JUP: variants seen among roughly 807,000 people sequenced by gnomAD.
JUP encodes junction plakoglobin, also known as catenin (cadherin-associated protein), gamma 80kDa.
Under a neutral mutation model 71.1 loss-of-function variants are expected in JUP, and 28 were observed. The ratio of observed to expected loss-of-function variants is 0.39; its 90% CI spans 0.29 to 0.54. The LOEUF (loss-of-function observed/expected upper bound fraction) is 0.54, where lower values mean the gene tolerates loss of function less well. Among genes scored for constraint, JUP ranks in the 20% least tolerant of loss-of-function variants. The probability of loss-of-function intolerance (pLI) is 0.62; values close to 1 mark genes in which losing one functional copy is unlikely to be tolerated. For missense variants in JUP, 869 were observed against 1,030.1 expected (o/e 0.84, Z 2.14); for synonymous variants, 401 against 438.9 (o/e 0.91, Z 1.08).
In JUP at chr17:41,764,697, C is replaced by A. The variant is rs543474948; in HGVS notation, c.1158+16G>T. The A allele has an allele frequency of 1.9e-6, 3 of 1,609,214 alleles. No individual in the cohort carries two copies. The East Asian group carries it at 6.7e-5, about 36-fold the overall frequency. On this transcript the variant is annotated intron_variant, in intron 7 of 13. Transcript: ENST00000393931. ...CAGCTGAAGAGGTCAACCCCAGGCC[C>A]AGATACCTCCCTCACCTGCTTGGTG...
At chr17:41,779,070 A>G (rs2047031319) in intron 1 of JUP, among the ~76,000 whole-genome samples, 1 of 151,374 alleles carries the variant, frequency 6.6e-6, no homozygotes, top group Admixed American at 6.6e-5. Context: ...CCCCGTCTCT[A>G]CTAAAAATAC....
intron 6 of JUP, 42 bp from the exon 7 acceptor site, chr17:41,764,858 G>C: frequency 6.2e-7 from 1 of 1,613,566 alleles, no homozygotes; most frequent in Non-Finnish European, 8.5e-7. Flanking sequence ...GGGGAGCATG[G>C]CTGACTGAGC....
chr17:41,777,498 C>A (rs113833688), intron 1 of JUP, among the ~76,000 whole-genome samples: 1,956 of 152,344 alleles, frequency 0.013, 34 homozygotes, highest in African/African-American at 0.045. Flanking sequence ...AAGGAGGCCT[C>A]TCCCCTCTGG....
rs1207443069 is a variant in JUP, at chr17:41,755,396, C to T, written c.*348G>A. 9 of 409,620 alleles carry T rather than the reference C, an allele frequency of 2.2e-5. No individual in the cohort carries two copies. The highest frequency in any genetic ancestry group is 1.2e-4 in the African/African-American group (6 of 48,696). The allele number at this position is 409,620 out of a possible 1,614,324, so 25.4% of individuals were successfully genotyped here. A position where few individuals can be genotyped will look rare whatever the true frequency, so the allele number is the denominator to read the frequency against. ...CAGGCACTTTTCTGTCTTGCCCCAT[C>T]GCCTGCACGGAGAGCCTCTCAGATG... is the stretch of plus-strand genomic sequence containing the variant. On this transcript the variant is annotated 3_prime_UTR_variant, in exon 14 of 14. Transcript: ENST00000393931.
At chr17:41,786,274 C>G (rs1385862754) in intron 1 of JUP, 1 of 152,352 alleles carries the variant, frequency 6.6e-6, no homozygotes, top group East Asian at 1.9e-4. Flanking sequence ...CCCGCCAGCC[C>G]AGGGCGAGAG....
rs1913561311 is a variant in JUP, at chr17:41,755,573, CAAG to C, written c.*168_*170del. 1.0e-5 allele frequency: 6 copies of C among 592,068 alleles called. No homozygotes were observed. Among genetic ancestry groups the C allele is most frequent in the East Asian group, 3.1e-5 (1 of 32,656 alleles). 36.7% of individuals were successfully genotyped at this position (592,068 alleles called of 1,614,324 possible). On this transcript the variant is annotated 3_prime_UTR_variant, in exon 14 of 14. Transcript: ENST00000393931. ...GGCCTCCCCATCCCCACCAAAGACA[CAAG>C]AAGAAGGCAGGCCAGGGCACACCGT... is the stretch of plus-strand genomic sequence containing the variant.
chr17:41,772,047 A>AC (rs1470254072), intron 1 of JUP, 185 bp from the exon 2 acceptor site: 1 of 673,030 alleles, frequency 1.5e-6, no homozygotes, highest in Non-Finnish European at 2.7e-6. Context: ...GGGGCTGCCC[A>AC]CGACGAGATA....
chr17:41,767,590 TG>T lies in JUP; in HGVS notation c.708-11del. On this transcript the variant is annotated splice_polypyrimidine_tract_variant and intron_variant, in intron 4 of 13. Coordinates refer to ENST00000393931, the MANE Select transcript of JUP (RefSeq NM_002230.4). ...CGACTCCACAGGGGAGCTGGGGGGG[TG>T]GGCAGGGGTTAGTACGCTGAGGTCC... 5 of 974,410 alleles carry T rather than the reference TG, an allele frequency of 5.1e-6. No homozygotes were observed. The highest frequency in any genetic ancestry group is 7.9e-6 in the Non-Finnish European group (5 of 630,688). 60.4% of individuals were successfully genotyped at this position (974,410 alleles called of 1,614,324 possible). A position where few individuals can be genotyped will look rare whatever the true frequency, so the allele number is the denominator to read the frequency against.
chr17:41,755,213 TAGTGGCCAGGGCCACAG>T lies in JUP; in HGVS notation c.*514_*530del, dbSNP rs1313064524. The T allele has an allele frequency of 5.0e-6, 2 of 398,532 alleles. No individual in the cohort carries two copies. Among genetic ancestry groups the T allele is most frequent in the Non-Finnish European group, 8.8e-6 (2 of 226,370 alleles). The allele number at this position is 398,532 out of a possible 1,614,324, so 24.7% of individuals were successfully genotyped here. On this transcript the variant is annotated 3_prime_UTR_variant, in exon 14 of 14. Transcript: ENST00000393931. ...GAATGGGTACTTGAGTCTGAAGCTT[TAGTGGCCAGGGCCACAG>T]GGGCGGGGAGGGGGTGTCAGGCCCT...
At chr17:41,757,170 C>A (rs1233928599) in intron 12 of JUP, among the ~76,000 whole-genome samples, 1 of 152,198 alleles carries the variant, frequency 6.6e-6, no homozygotes, top group Non-Finnish European at 1.5e-5. Context: ...AGCACCTCCA[C>A]GCAAATTACA....
intron 1 of JUP, among the ~76,000 whole-genome samples, chr17:41,782,437 G>A (rs2047211875): frequency 6.6e-6 from 1 of 152,194 alleles, no homozygotes; most frequent in South Asian, 2.1e-4. Flanking sequence ...AATCCCCACA[G>A]GGCAGCACCC....
chr17:41,766,702 A>C (rs1332060778), intron 5 of JUP, among the ~76,000 whole-genome samples: 4 of 152,082 alleles, frequency 2.6e-5, no homozygotes, highest in African/African-American at 9.7e-5. Context: ...TAAAAATACA[A>C]AAATTAGCTG....
chr17:41,784,563 A>G (rs1249938714), intron 1 of JUP, among the ~76,000 whole-genome samples: 1 of 152,186 alleles, frequency 6.6e-6, no homozygotes, highest in Admixed American at 6.6e-5. Context: ...CTTGGCACAG[A>G]GAAGAGGGAA....
chr17:41,766,922 C>T (rs1267551848), intron 5 of JUP, among the ~76,000 whole-genome samples: 4 of 151,588 alleles, frequency 2.6e-5, no homozygotes, highest in Non-Finnish European at 5.9e-5. Context: ...TAGCACACGC[C>T]TGAAGTCCCA....
In JUP at chr17:41,765,008, A is replaced by G. The variant is rs868945297; in HGVS notation, c.969T>C (p.Ser323=). ...TGGTGGTCCAGAGCAGCTTTTCATA[A>G]CTGTAGTTACGCATGATCTGCACGA... ...QALVQIMRNY[S]YEKLLWTTSR... Residue 323 remains serine, a synonymous_variant, in exon 6 of 14, where the codon AGT becomes AGC. Transcript: ENST00000393931. 1.9e-6 allele frequency: 3 copies of G among 1,614,062 alleles called. No individual in the cohort carries two copies. The Admixed American group carries it at 5.0e-5, about 27-fold the overall frequency.
intron 1 of JUP, among the ~76,000 whole-genome samples, chr17:41,777,506 T>C (rs1246203499): frequency 1.3e-5 from 2 of 152,362 alleles, no homozygotes; most frequent in East Asian, 3.9e-4. Context: ...CTCTCCCCTC[T>C]GGCTGGCAGC....
intron 5 of JUP, among the ~76,000 whole-genome samples, chr17:41,765,855 T>C (rs969400398): frequency 9.2e-5 from 14 of 152,194 alleles, no homozygotes; most frequent in Non-Finnish European, 1.6e-4. Context: ...TTTTTTCCGC[T>C]CTTTGACAAA....
In JUP at chr17:41,767,593, G is replaced by A. The variant is rs369198677; in HGVS notation, c.708-13C>T. ...CTCCACAGGGGAGCTGGGGGGGTGG[G>A]CAGGGGTTAGTACGCTGAGGTCCCA... is the stretch of plus-strand genomic sequence containing the variant. On this transcript the variant is annotated splice_polypyrimidine_tract_variant and intron_variant, in intron 4 of 13. Coordinates refer to ENST00000393931, the MANE Select transcript of JUP (RefSeq NM_002230.4). 5 of 1,267,502 alleles carry A rather than the reference G, an allele frequency of 3.9e-6. No homozygotes were observed. The highest frequency in any genetic ancestry group is 2.4e-5 in the East Asian group (1 of 42,172). 78.5% of individuals were successfully genotyped at this position (1,267,502 alleles called of 1,614,324 possible). A position where few individuals can be genotyped will look rare whatever the true frequency, so the allele number is the denominator to read the frequency against.
chr17:41,775,229 A>G (rs2046824339), intron 1 of JUP, among the ~76,000 whole-genome samples: 1 of 152,132 alleles, frequency 6.6e-6, no homozygotes, highest in African/African-American at 2.4e-5. Flanking sequence ...AAAAAACAGG[A>G]TTCCCACAAC....
Sources: allele counts gnomAD v4.1 joint callset (sites outside exome capture counted in the v4.1 genomes callset), GRCh38; gene constraint gnomAD v4.1.1; transcripts MANE v1.5; gene names NCBI Gene and HGNC (gene_info 2026-07-23, HGNC 2026-07-21).